ATXN7: variants seen among roughly 807,000 people sequenced by gnomAD.
The protein encoded by ATXN7 is ataxin-7.
Under a neutral mutation model 70.5 loss-of-function variants are expected in ATXN7, and 12 were observed. The observed-to-expected ratio is 0.17, with a 90% CI of 0.11 to 0.28. The LOEUF is 0.28. ATXN7 is among the 10% of genes least tolerant of loss of function. The pLI is 1.00. For synonymous variants in ATXN7, 498 were observed against 448.7 expected, an observed-to-expected ratio of 1.11 and a Z score of -1.39; for missense variants, 1,256 against 1,131.7, an observed-to-expected ratio of 1.11 and a Z score of -1.58.
chr3:63,976,408 C>G (rs1256193969), intron 5 of ATXN7, among the ~76,000 whole-genome samples: 1 of 152,180 alleles, frequency 6.6e-6, no homozygotes, highest in Non-Finnish European at 1.5e-5. Flanking sequence ...CAGTTACTTA[C>G]ACACACTACA....
chr3:63,992,294 T>G (rs2075684978), intron 11 of ATXN7, among the ~76,000 whole-genome samples: 2 of 152,218 alleles, frequency 1.3e-5, no homozygotes, highest in Admixed American at 6.5e-5. Flanking sequence ...CATATTTCTT[T>G]CTGGTTCTTG....
Position 63,929,187 on chromosome 3 carries a change from C to T in ATXN7, c.394+15962C>T, listed in dbSNP as rs375226792. On this transcript the variant is annotated intron_variant, in intron 4 of 12. Transcript: ENST00000674280. ...ATGTCTACATCTGAGAAGATAAACA[C>T]AACTATTACAACATTTTAGAATAAT... Among the ~76,000 whole-genome samples, 11 of 151,782 alleles carry T rather than the reference C, an allele frequency of 7.2e-5. No individual in the cohort carries two copies. The East Asian group carries it at 2.1e-3, about 29-fold the overall frequency.
At chr3:63,990,432 G>T in intron 10 of ATXN7, 58 bp downstream of exon 10, 1 of 1,586,992 alleles carries the variant, frequency 6.3e-7, no homozygotes, top group Non-Finnish European at 8.6e-7. Flanking sequence ...ACAGGGCACT[G>T]CAGGGGGGCG....
chr3:63,937,468 A>G (rs1032489458), intron 4 of ATXN7, among the ~76,000 whole-genome samples: 2 of 152,186 alleles, frequency 1.3e-5, no homozygotes, highest in Non-Finnish European at 2.9e-5. Context: ...TTTGTACACC[A>G]TAGTTTGGGG....
intron 4 of ATXN7, among the ~76,000 whole-genome samples, chr3:63,916,905 T>TTTGTTGTTGTTGTTGTTA (rs1006372588): frequency 1.3e-5 from 2 of 152,110 alleles, no homozygotes; most frequent in Non-Finnish European, 2.9e-5. Context: ...ATTTTGACTT[T>TTTGTTGTTGTTGTTGTTA]TTGTTGTTGT....
chr3:63,960,584 C>A (rs1187843949), intron 5 of ATXN7, among the ~76,000 whole-genome samples: 6 of 151,936 alleles, frequency 3.9e-5, no homozygotes, highest in Non-Finnish European at 1.5e-5. Flanking sequence ...AAATCTGCAT[C>A]GGAAATATAA....
chr3:63,927,694 C>CT (rs1370317581), intron 4 of ATXN7, among the ~76,000 whole-genome samples: 2 of 152,116 alleles, frequency 1.3e-5, no homozygotes, highest in Non-Finnish European at 1.5e-5. Flanking sequence ...AAACTCTGTG[C>CT]TTTTTTCCAG....
chr3:63,916,166 C>A (rs998180239), intron 4 of ATXN7, among the ~76,000 whole-genome samples: 6 of 152,128 alleles, frequency 3.9e-5, no homozygotes, highest in African/African-American at 1.4e-4. Flanking sequence ...TACCTACTTC[C>A]CAAGGTTATT....
chr3:63,912,660 G>C lies in ATXN7; in HGVS notation c.62G>C (p.Gly21Ala), dbSNP rs1264172611. Residue 21 changes from glycine (G) to alanine (A), a missense_variant, in exon 3 of 13, where the codon GGC (glycine) becomes GCC (alanine). Physicochemically the swap from Gly to Ala is moderately conservative, Grantham distance 60 (BLOSUM62 0). Coordinates refer to ENST00000674280, the MANE Select transcript of ATXN7 (RefSeq NM_001377405.1). ...CCGCGCCGCGCGGCGGCGGCGGCGG[G>C]CGGAGCAGCGGCCGCGGCCGCCCGG... ...GEPRRAAAAAGGAAAAAARQQ... is the reference protein window; with the variant it reads ...GEPRRAAAAAAGAAAAAARQQ... 3 of 1,043,928 alleles carry C rather than the reference G, an allele frequency of 2.9e-6. No individual in the cohort carries two copies. Among genetic ancestry groups the C allele is most frequent in the Non-Finnish European group, 3.5e-6 (3 of 865,636 alleles). 64.7% of individuals were successfully genotyped at this position (1,043,928 alleles called of 1,614,324 possible).
intron 1 of ATXN7, among the ~76,000 whole-genome samples, chr3:63,872,669 A>AT (rs1440672562): frequency 6.6e-6 from 1 of 152,202 alleles, no homozygotes; most frequent in Admixed American, 6.5e-5. Context: ...CTGCCAAGTC[A>AT]TATTGCACAG....
Position 63,980,078 on chromosome 3 carries a change from G to A in ATXN7, c.663G>A (p.Leu221=), listed in dbSNP as rs745858344. The A allele has an allele frequency of 3.7e-6, 6 of 1,614,038 alleles. No homozygotes were observed. In the African/African-American group the frequency reaches 4.0e-5, roughly 11 times the overall value. ...VLSASSSSSK[L]LKSPKEKLQL... is the part of the protein sequence containing the mutation. The stretch of plus-strand genomic sequence containing the variant: ...GCGCATCCTCATCAAGTTCCAAGTT[G>A]TTGAAATCACCCAAAGAGAAACTGC... Residue 221 remains leucine (L), a synonymous_variant, in exon 6 of 13, where the codon TTG becomes TTA. Transcript: ENST00000674280.
At chr3:63,971,230 G>A (rs562402300) in intron 5 of ATXN7, among the ~76,000 whole-genome samples, 1 of 152,204 alleles carries the variant, frequency 6.6e-6, no homozygotes, top group Non-Finnish European at 1.5e-5. Flanking sequence ...ATGCTCTGGA[G>A]TTGCCTCCCA....
intron 2 of ATXN7, among the ~76,000 whole-genome samples, chr3:63,910,826 A>G (rs1703986790): frequency 6.6e-6 from 1 of 150,732 alleles, no homozygotes; most frequent in Non-Finnish European, 1.5e-5. Context: ...TAAAATAAAA[A>G]TGTGTGTGTG....
chr3:63,895,799 C>CTG (rs1352935419), intron 1 of ATXN7, among the ~76,000 whole-genome samples: 1 of 151,846 alleles, frequency 6.6e-6, no homozygotes, highest in Non-Finnish European at 1.5e-5. Flanking sequence ...CTCTCTCTCT[C>CTG]TGTGTCTCTC....
At chr3:63,886,166 C>T (rs965609921) in intron 1 of ATXN7, among the ~76,000 whole-genome samples, 5 of 152,098 alleles carry the variant, frequency 3.3e-5, no homozygotes, top group African/African-American at 7.2e-5. Flanking sequence ...ACAAATACTG[C>T]AGGAATCTCA....
At chr3:63,866,619 A>G (rs373396225) in intron 1 of ATXN7, among the ~76,000 whole-genome samples, 1 of 152,124 alleles carries the variant, frequency 6.6e-6, no homozygotes, top group African/African-American at 2.4e-5. Flanking sequence ...TCTAAAATCT[A>G]TTTTGTCAGC....
At chr3:63,875,431 C>T (rs1053354099) in intron 1 of ATXN7, among the ~76,000 whole-genome samples, 1 of 152,098 alleles carries the variant, frequency 6.6e-6, no homozygotes, top group Non-Finnish European at 1.5e-5. Context: ...CATAAACATT[C>T]CGACCATGAC....
intron 4 of ATXN7, among the ~76,000 whole-genome samples, chr3:63,934,636 T>G (rs1575918304): frequency 6.6e-6 from 1 of 152,318 alleles, no homozygotes; most frequent in East Asian, 1.9e-4. Context: ...TTGTAGGAAC[T>G]TAATGTTTGT....
intron 11 of ATXN7, among the ~76,000 whole-genome samples, chr3:63,992,033 AGT>A (rs2075680184): frequency 6.6e-6 from 1 of 152,158 alleles, no homozygotes; most frequent in East Asian, 1.9e-4. Flanking sequence ...GCTTTGCTAA[AGT>A]GACTGTCCAG....
Sources: gnomAD v4.1 joint callset for allele counts (sites outside exome capture counted in the v4.1 genomes callset) on GRCh38, gnomAD v4.1.1 for gene constraint, MANE v1.5 for transcripts, NCBI Gene and HGNC (gene_info 2026-07-23, HGNC 2026-07-21) for gene names.